Variants in SDHD observed in about 807,000 individuals in gnomAD.
SDHD encodes the protein succinate dehydrogenase complex subunit D.
SDHD carries 6 observed loss-of-function variants against 18.7 expected under a neutral mutation model. The observed-to-expected ratio is 0.32, with a 90% confidence interval of 0.18 to 0.63. SDHD has a LOEUF of 0.63. SDHD is among the 30% of genes least tolerant of loss of function. The pLI, the probability that SDHD is intolerant of heterozygous loss-of-function variation, is 0.79. For synonymous variants in SDHD, 56 were observed against 73.9 expected, an observed-to-expected ratio of 0.76 and a Z score of 1.24; for missense variants, 160 against 192.7, an observed-to-expected ratio of 0.83 and a Z score of 1.00.
intron 3 of SDHD, among the ~76,000 whole-genome samples, chr11:112,091,807 G>T (rs1030186552): frequency 6.6e-6 from 1 of 152,144 alleles, no homozygotes; most frequent in Non-Finnish European, 1.5e-5. Flanking sequence ...GTGGTCTCAC[G>T]CCTGTAATCC....
intron 3 of SDHD, 37 bp from the exon 4 acceptor site, chr11:112,094,768 T>C (rs1865807636): frequency 1.9e-6 from 3 of 1,590,926 alleles, no homozygotes; most frequent in Non-Finnish European, 2.6e-6. Context: ...TTCACTGTGG[T>C]TTTTTATTGA....
intron 3 of SDHD, among the ~76,000 whole-genome samples, chr11:112,093,686 T>A (rs1431758146): frequency 1.3e-5 from 2 of 152,186 alleles, no homozygotes; most frequent in African/African-American, 4.8e-5. Context: ...CATATAAAAT[T>A]CAGATTCCTT....
Position 112,090,786 on chromosome 11 carries a change from C to T in SDHD, c.314+1775C>T, listed in dbSNP as rs527660974. 5.9e-5 allele frequency among the ~76,000 whole-genome samples: 9 copies of T among 151,858 alleles called. No individual in the cohort carries two copies. In the South Asian group the frequency reaches 1.5e-3, roughly 25 times the overall value. On this transcript the variant is annotated intron_variant, in intron 3 of 3. Transcript: ENST00000375549. ...TCTTGGTTCACTGCAACCTCTGCCT[C>T]CTGGGTTCAAGCAATTCTCATGCCT...
In SDHD at chr11:112,095,083, C is replaced by G. The variant is rs554448472; in HGVS notation, c.*113C>G. 1 of 816,802 alleles carries G rather than the reference C, an allele frequency of 1.2e-6. No individual in the cohort carries two copies. The highest frequency in any genetic ancestry group is 1.7e-5 in the African/African-American group (1 of 59,408). 50.6% of individuals were successfully genotyped at this position (816,802 alleles called of 1,614,324 possible). ...AACAGATAAGTCCATTGGTGGACAG[C>G]CTTCTTCTCTTAATCACAAGATTAT... On this transcript the variant is annotated 3_prime_UTR_variant, in exon 4 of 4. Coordinates refer to ENST00000375549, the MANE Select transcript of SDHD (RefSeq NM_003002.4).
intron 3 of SDHD, among the ~76,000 whole-genome samples, chr11:112,093,517 A>G (rs1157503030): frequency 6.6e-6 from 1 of 152,194 alleles, no homozygotes; most frequent in Non-Finnish European, 1.5e-5. Context: ...GCACAACTCA[A>G]TATACTAAAA....
At chr11:112,089,797 T>C (rs1316149747) in intron 3 of SDHD, among the ~76,000 whole-genome samples, 2 of 152,190 alleles carry the variant, frequency 1.3e-5, no homozygotes, top group Non-Finnish European at 2.9e-5. Context: ...ATTCCTTATC[T>C]CTCTTGCTTG....
chr11:112,087,014 G>C, intron 1 of SDHD, 55 bp downstream of exon 1: 1 of 1,599,164 alleles, frequency 6.3e-7, no homozygotes, highest in Non-Finnish European at 8.6e-7. Context: ...CAGGGAAGGG[G>C]ATGGAAGTGA....
chr11:112,087,019 A>G, intron 1 of SDHD, 60 bp downstream of exon 1: 1 of 1,583,810 alleles, frequency 6.3e-7, no homozygotes, highest in South Asian at 1.1e-5. Context: ...AAGGGGATGG[A>G]AGTGAGGACT....
At chr11:112,086,984 T>G (rs1324717347) in intron 1 of SDHD, 25 bp downstream of exon 1, 6 of 1,613,288 alleles carry the variant, frequency 3.7e-6, no homozygotes, top group Non-Finnish European at 5.1e-6. Flanking sequence ...CACCCTGAGG[T>G]GCTTAGCGTA....
At chr11:112,091,345 C>T (rs73568088) in intron 3 of SDHD, among the ~76,000 whole-genome samples, 4 of 152,180 alleles carry the variant, frequency 2.6e-5, no homozygotes, top group East Asian at 1.9e-4. Flanking sequence ...AAGTCTCAGC[C>T]GCCTTCAACT....
At chr11:112,092,243 TAAAGTA>T (rs1305429169) in intron 3 of SDHD, among the ~76,000 whole-genome samples, 1 of 147,094 alleles carries the variant, frequency 6.8e-6, no homozygotes, top group Non-Finnish European at 1.5e-5. Flanking sequence ...TCCCAGAACT[TAAAGTA>T]AAAGAAGAAA....
At chr11:112,090,907 G>A (rs998244951) in intron 3 of SDHD, among the ~76,000 whole-genome samples, 2 of 152,206 alleles carry the variant, frequency 1.3e-5, no homozygotes, top group East Asian at 3.9e-4. Context: ...TGTTGTCCAG[G>A]CTGGTCTTGG....
chr11:112,090,896 A>G (rs1865734039), intron 3 of SDHD, among the ~76,000 whole-genome samples: 1 of 152,058 alleles, frequency 6.6e-6, no homozygotes, highest in African/African-American at 2.4e-5. Flanking sequence ...GGGTTTCACC[A>G]TGTTGTCCAG....
In SDHD at chr11:112,087,928, G is replaced by A. The variant is rs756995021; in HGVS notation, c.124G>A (p.Glu42Lys). ...ATTTCTTCAGGACCGACCTATCCCA[G>A]AATGGTGTGGAGTGCAGCACATACA... Reference protein sequence around the residue: ...SAFLQDRPIPEWCGVQHIHLS... With the variant: ...SAFLQDRPIPKWCGVQHIHLS... The change falls in exon 2 of 4, where the codon GAA becomes AAA. Residue 42 changes from glutamate to lysine, a missense_variant. Coordinates refer to ENST00000375549, the MANE Select transcript of SDHD (RefSeq NM_003002.4). 1.9e-6 allele frequency: 3 copies of A among 1,613,684 alleles called. No individual in the cohort carries two copies. Among genetic ancestry groups the A allele is most frequent in the Non-Finnish European group, 2.5e-6 (3 of 1,179,692 alleles).
intron 2 of SDHD, chr11:112,088,275 C>T (rs1370272414): frequency 2.6e-5 from 10 of 385,896 alleles, no homozygotes; most frequent in South Asian, 2.2e-4. Flanking sequence ...TCTCGGCTCA[C>T]TGCAACCTCC....
At chr11:112,086,982 G>A in intron 1 of SDHD, 23 bp downstream of exon 1, 1 of 1,613,916 alleles carries the variant, frequency 6.2e-7, no homozygotes, top group Non-Finnish European at 8.5e-7. Context: ...CCCACCCTGA[G>A]GTGCTTAGCG....
At chr11:112,088,843 T>C (rs1359887543) in intron 2 of SDHD, 24 bp from the exon 3 acceptor site, 4 of 1,611,940 alleles carry the variant, frequency 2.5e-6, no homozygotes, top group Non-Finnish European at 8.5e-7. Flanking sequence ...ACATCAACTT[T>C]TATGAATCTG....
chr11:112,093,717 A>G (rs532106625), intron 3 of SDHD, among the ~76,000 whole-genome samples: 2 of 152,270 alleles, frequency 1.3e-5, no homozygotes, highest in East Asian at 3.9e-4. Context: ...TCAAGACCCT[A>G]TGCAACCGAC....
chr11:112,092,750 G>C (rs77223286), intron 3 of SDHD, among the ~76,000 whole-genome samples: 16,156 of 152,106 alleles, frequency 0.11, 2,527 homozygotes, highest in African/African-American at 0.34. Context: ...CATCTGACTC[G>C]GCGATCTACT....
Sources: allele counts gnomAD v4.1 joint callset (sites outside exome capture counted in the v4.1 genomes callset), GRCh38; gene constraint gnomAD v4.1.1; transcripts MANE v1.5; gene names NCBI Gene and HGNC (gene_info 2026-07-23, HGNC 2026-07-21).